The following LRP1B variants were observed in gnomAD, a reference collection of about 807,000 sequenced individuals.
The protein encoded by LRP1B is low-density lipoprotein receptor-related protein 1B.
A neutral mutation model predicts 556.6 loss-of-function variants in LRP1B; 217 were observed. That is an observed-to-expected ratio of 0.39 (90% CI 0.35 to 0.44). The LOEUF (loss-of-function observed/expected upper bound fraction) is 0.44. Among genes scored for constraint, LRP1B ranks in the 20% least tolerant of loss-of-function variants. LRP1B has a pLI of 1.00. For missense variants in LRP1B, 5,053 were observed against 5,620.8 expected (o/e 0.90, Z 3.23); for synonymous variants, 2,047 against 1,865.8 (o/e 1.10, Z -2.50).
At chr2:141,017,999 TAAA>T (rs201347962) in intron 12 of LRP1B, among the ~76,000 whole-genome samples, 1 of 117,038 alleles carries the variant, frequency 8.5e-6, no homozygotes. Context: ...AGATCCTGTC[TAAA>T]AAAAAAAAAA....
chr2:141,729,679 G>C (rs1451667747), intron 2 of LRP1B, among the ~76,000 whole-genome samples: 1 of 152,076 alleles, frequency 6.6e-6, no homozygotes, highest in East Asian at 1.9e-4. Context: ...GATCTAAATT[G>C]CTTTCATCTT....
At chr2:140,671,446 G>A (rs546673905) in intron 41 of LRP1B, among the ~76,000 whole-genome samples, 4 of 152,278 alleles carry the variant, frequency 2.6e-5, no homozygotes, top group African/African-American at 4.8e-5. Flanking sequence ...TCGTGAATCC[G>A]AGAGGCAGAG....
chr2:141,416,762 C>A (rs1382816380), intron 3 of LRP1B, among the ~76,000 whole-genome samples: 1 of 152,080 alleles, frequency 6.6e-6, no homozygotes, highest in Non-Finnish European at 1.5e-5. Context: ...ACATCTCCAT[C>A]AGGAGTTCTT....
At chr2:141,727,807 A>ATC (rs1271275523) in intron 2 of LRP1B, among the ~76,000 whole-genome samples, 2 of 151,606 alleles carry the variant, frequency 1.3e-5, no homozygotes, top group Non-Finnish European at 2.9e-5. Flanking sequence ...CTATATATCA[A>ATC]TCTCTCTATA....
intron 7 of LRP1B, among the ~76,000 whole-genome samples, chr2:141,169,914 A>G (rs1680426125): frequency 6.6e-6 from 1 of 152,020 alleles, no homozygotes; most frequent in Non-Finnish European, 1.5e-5. Context: ...TCTTAATTAT[A>G]AAGTACCAAT....
At chr2:141,694,246 T>C (rs1272351524) in intron 2 of LRP1B, among the ~76,000 whole-genome samples, 1 of 152,002 alleles carries the variant, frequency 6.6e-6, no homozygotes, top group African/African-American at 2.4e-5. Flanking sequence ...CATGTGCCTT[T>C]CAGAATAGAA....
chr2:140,831,175 A>G (rs746794665), intron 31 of LRP1B, among the ~76,000 whole-genome samples: 2 of 152,082 alleles, frequency 1.3e-5, no homozygotes, highest in Non-Finnish European at 2.9e-5. Flanking sequence ...CAAGAAACCA[A>G]TGATGTTACA....
chr2:141,176,960 CCTT>C (rs1298322506), intron 7 of LRP1B, among the ~76,000 whole-genome samples: 24 of 152,110 alleles, frequency 1.6e-4, no homozygotes, highest in Non-Finnish European at 3.1e-4. Flanking sequence ...CTAATGTCCT[CCTT>C]CTGCTTTTTC....
chr2:140,923,266 G>A, intron 20 of LRP1B, 119 bp from the exon 21 acceptor site: 1 of 670,970 alleles, frequency 1.5e-6, no homozygotes, highest in East Asian at 2.8e-5. Context: ...TTATTATAAT[G>A]CTAGAGAGAA....
intron 86 of LRP1B, among the ~76,000 whole-genome samples, chr2:140,248,826 A>G (rs1026658268): frequency 4.6e-5 from 7 of 151,212 alleles, no homozygotes; most frequent in African/African-American, 1.5e-4. Context: ...AATTCTAATG[A>G]TTGTGAAATG....
chr2:141,254,977 C>G (rs1395859229), intron 3 of LRP1B, among the ~76,000 whole-genome samples: 1 of 152,046 alleles, frequency 6.6e-6, no homozygotes, highest in Non-Finnish European at 1.5e-5. Context: ...TCCTATCTGA[C>G]ACATCAATTG....
At chr2:141,564,458 C>T (rs1264282086) in intron 2 of LRP1B, among the ~76,000 whole-genome samples, 2 of 152,044 alleles carry the variant, frequency 1.3e-5, no homozygotes, top group African/African-American at 4.8e-5. Flanking sequence ...AGTAGTGCAA[C>T]ATGGACAAAG....
chr2:140,624,375 C>T (rs1683576023), intron 41 of LRP1B, among the ~76,000 whole-genome samples: 1 of 152,150 alleles, frequency 6.6e-6, no homozygotes, highest in Admixed American at 6.6e-5. Flanking sequence ...TGTAGCACCA[C>T]TCACCAGTTT....
intron 83 of LRP1B, among the ~76,000 whole-genome samples, chr2:140,314,272 T>C (rs1344787008): frequency 4.6e-5 from 7 of 152,008 alleles, no homozygotes; most frequent in Non-Finnish European, 7.4e-5. Context: ...TTATTATGCA[T>C]TGGGGTTATT....
At chr2:141,951,530 C>G (rs1701105239) in intron 1 of LRP1B, among the ~76,000 whole-genome samples, 1 of 152,040 alleles carries the variant, frequency 6.6e-6, no homozygotes, top group Non-Finnish European at 1.5e-5. Flanking sequence ...AATGTTAAAA[C>G]CTGTAATTAT....
intron 2 of LRP1B, among the ~76,000 whole-genome samples, chr2:141,674,158 A>G (rs1380007728): frequency 6.6e-6 from 1 of 152,136 alleles, no homozygotes; most frequent in Non-Finnish European, 1.5e-5. Context: ...GGGACATGTT[A>G]TATGGTTCTC....
rs1388601755 is a variant in LRP1B, at chr2:141,749,134, T to A, written c.205+61145A>T. Among the ~76,000 whole-genome samples the A allele has an allele frequency of 2.0e-5, 3 of 152,302 alleles. No individual in the cohort carries two copies. The South Asian group carries it at 6.2e-4, about 32-fold the overall frequency. ...CCCTTTATAATAAACTCCCCAAATATTCCAGAGAAAGAATTATATTTTTAT... is the reference window on the plus strand; with the variant it reads ...CCCTTTATAATAAACTCCCCAAATAATCCAGAGAAAGAATTATATTTTTAT... On this transcript the variant is annotated intron_variant, in intron 2 of 90. Coordinates refer to ENST00000389484, the MANE Select transcript of LRP1B (RefSeq NM_018557.3).
chr2:141,630,084 A>T (rs1574163564), intron 2 of LRP1B, among the ~76,000 whole-genome samples: 1 of 152,144 alleles, frequency 6.6e-6, no homozygotes, highest in Non-Finnish European at 1.5e-5. Flanking sequence ...ATATTCTACC[A>T]CCCACAGAAG....
chr2:141,320,635 G>C (rs763404989), intron 3 of LRP1B, among the ~76,000 whole-genome samples: 1 of 152,010 alleles, frequency 6.6e-6, no homozygotes, highest in African/African-American at 2.4e-5. Context: ...ATTGTATGTC[G>C]GCAGTTTGTT....
Sources: allele counts gnomAD v4.1 joint callset (sites outside exome capture counted in the v4.1 genomes callset), GRCh38; gene constraint gnomAD v4.1.1; transcripts MANE v1.5; gene names NCBI Gene and HGNC (gene_info 2026-07-23, HGNC 2026-07-21).